Variants in PDE7B observed in about 807,000 individuals in gnomAD.
PDE7B encodes 3',5'-cyclic-AMP phosphodiesterase 7B.
Under a neutral mutation model 56.2 loss-of-function variants are expected in PDE7B, and 29 were observed. The observed-to-expected ratio is 0.52, with a 90% CI of 0.38 to 0.70. The LOEUF (loss-of-function observed/expected upper bound fraction) is 0.70. PDE7B is among the 30% of genes least tolerant of loss of function. PDE7B has a pLI of 0.00. For missense variants in PDE7B, 490 were observed against 565.0 expected (o/e 0.87, Z 1.35); for synonymous variants, 197 against 196.9 (o/e 1.00, Z 0.00).
At chr6:135,988,262 T>G (rs1470815023) in intron 2 of PDE7B, among the ~76,000 whole-genome samples, 1 of 152,042 alleles carries the variant, frequency 6.6e-6, no homozygotes, top group African/African-American at 2.4e-5. Flanking sequence ...GTCTCTGTGG[T>G]CCCAGCGTGT....
intron 8 of PDE7B, among the ~76,000 whole-genome samples, chr6:136,156,616 C>T (rs1680207076): frequency 2.0e-5 from 3 of 152,150 alleles, no homozygotes; most frequent in Non-Finnish European, 2.9e-5. Flanking sequence ...GTCTTAGGAT[C>T]TCTTGGAGGC....
At chr6:136,007,670 A>T (rs1039711718) in intron 2 of PDE7B, among the ~76,000 whole-genome samples, 3 of 151,908 alleles carry the variant, frequency 2.0e-5, no homozygotes, top group African/African-American at 7.2e-5. Flanking sequence ...AAAAAAAAGA[A>T]AATCAATTTC....
At chr6:135,970,083 G>A (rs138405882) in intron 2 of PDE7B, among the ~76,000 whole-genome samples, 4 of 152,160 alleles carry the variant, frequency 2.6e-5, no homozygotes, top group African/African-American at 7.2e-5. Flanking sequence ...TATCTAGTAC[G>A]TGCCAGCCAT....
intron 2 of PDE7B, among the ~76,000 whole-genome samples, chr6:135,969,030 G>C (rs1048080495): frequency 6.6e-6 from 1 of 152,124 alleles, no homozygotes; most frequent in Non-Finnish European, 1.5e-5. Flanking sequence ...GCAAACTAAT[G>C]CAGGAACAGA....
chr6:135,892,642 T>C (rs1356351444), intron 1 of PDE7B, among the ~76,000 whole-genome samples: 1 of 152,160 alleles, frequency 6.6e-6, no homozygotes. Flanking sequence ...TCAAATACCA[T>C]TTGCTGATAA....
Position 136,094,788 on chromosome 6 carries a change from T to C in PDE7B, c.83-13943T>C, listed in dbSNP as rs530500087. On this transcript the variant is annotated intron_variant, in intron 2 of 12. Coordinates refer to ENST00000308191, the MANE Select transcript of PDE7B (RefSeq NM_018945.4). ...AGAATCTAGAACAGAGCCTGGCACA[T>C]AGTAGGCAAACAAAAACATGTTTGT... The C allele has an allele frequency of 2.6e-5, 4 of 152,248 alleles. No individual in the cohort carries two copies. The East Asian group carries it at 5.8e-4, about 22-fold the overall frequency. 9.4% of individuals were successfully genotyped at this position (152,248 alleles called of 1,614,324 possible).
At chr6:135,934,119 A>C (rs1774346243) in intron 1 of PDE7B, among the ~76,000 whole-genome samples, 1 of 152,206 alleles carries the variant, frequency 6.6e-6, no homozygotes, top group African/African-American at 2.4e-5. Flanking sequence ...CATGTCAATG[A>C]TTATCTCTCC....
At chr6:135,863,419 G>A (rs1775188634) in intron 1 of PDE7B, among the ~76,000 whole-genome samples, 1 of 151,876 alleles carries the variant, frequency 6.6e-6, no homozygotes, top group Admixed American at 6.6e-5. Flanking sequence ...TCACAGTAGG[G>A]GCAATACTTA....
intron 2 of PDE7B, among the ~76,000 whole-genome samples, chr6:135,973,048 G>C (rs546370375): frequency 6.6e-6 from 1 of 152,044 alleles, no homozygotes; most frequent in African/African-American, 2.4e-5. Flanking sequence ...TTGACTACTG[G>C]TGCAATGTTT....
At chr6:136,031,281 G>T (rs1395850667) in intron 2 of PDE7B, among the ~76,000 whole-genome samples, 1 of 152,126 alleles carries the variant, frequency 6.6e-6, no homozygotes, top group Non-Finnish European at 1.5e-5. Flanking sequence ...CAGGAAACCT[G>T]TTAAAAATGC....
chr6:135,902,022 C>T (rs1224894668), intron 1 of PDE7B, among the ~76,000 whole-genome samples: 1 of 152,138 alleles, frequency 6.6e-6, no homozygotes, highest in East Asian at 1.9e-4. Flanking sequence ...TCAGCTGTAA[C>T]ACCCTACGAT....
At chr6:135,892,297 A>T (rs934051996) in intron 1 of PDE7B, among the ~76,000 whole-genome samples, 1 of 152,180 alleles carries the variant, frequency 6.6e-6, no homozygotes, top group African/African-American at 2.4e-5. Context: ...GTGAGAATCA[A>T]CTAATCCAGA....
At chr6:136,138,608 A>T (rs1438165865) in intron 3 of PDE7B, among the ~76,000 whole-genome samples, 1 of 152,160 alleles carries the variant, frequency 6.6e-6, no homozygotes, top group Non-Finnish European at 1.5e-5. Flanking sequence ...CAAATAAGAA[A>T]GTTAAGTGCT....
In PDE7B at chr6:136,051,435, T is replaced by A. The variant is rs182369039; in HGVS notation, c.83-57296T>A. Among the ~76,000 whole-genome samples, 23 of 152,360 alleles carry A rather than the reference T, an allele frequency of 1.5e-4. 1 individual carries two copies. The highest frequency in any genetic ancestry group is 3.4e-3 in the Middle Eastern group (1 of 294). The stretch of plus-strand genomic sequence containing the variant: ...ACCCACAGTGCATCTTCAACCCTTT[T>A]GAACTCTCGCATTGTTTAGCCCCTG... On this transcript the variant is annotated intron_variant, in intron 2 of 12. Coordinates refer to ENST00000308191, the MANE Select transcript of PDE7B (RefSeq NM_018945.4).
intron 2 of PDE7B, among the ~76,000 whole-genome samples, chr6:136,024,925 T>A (rs1776126076): frequency 6.6e-6 from 1 of 152,168 alleles, no homozygotes; most frequent in Admixed American, 6.5e-5. Flanking sequence ...ACAAGCTGAT[T>A]TCTATGACCA....
At chr6:136,112,823 G>A (rs1202494213) in intron 3 of PDE7B, among the ~76,000 whole-genome samples, 1 of 152,062 alleles carries the variant, frequency 6.6e-6, no homozygotes, top group African/African-American at 2.4e-5. Context: ...GCACATGTTT[G>A]GGGCAGAGGG....
At chr6:135,970,825 C>T (rs761845783) in intron 2 of PDE7B, among the ~76,000 whole-genome samples, 1 of 152,214 alleles carries the variant, frequency 6.6e-6, no homozygotes, top group Admixed American at 6.5e-5. Context: ...GGCAGCGAGA[C>T]GTTTGGATCC....
intron 5 of PDE7B, 57 bp downstream of exon 5, chr6:136,149,207 C>A: frequency 8.6e-7 from 1 of 1,160,744 alleles, no homozygotes; most frequent in South Asian, 1.2e-5. Context: ...GGATTAATTT[C>A]ATGAAAAACA....
At chr6:136,005,671 G>C (rs920421224) in intron 2 of PDE7B, among the ~76,000 whole-genome samples, 13 of 152,192 alleles carry the variant, frequency 8.5e-5, no homozygotes, top group South Asian at 4.1e-4. Flanking sequence ...TCTCACACCA[G>C]TTAGAATGGC....
Sources: allele counts gnomAD v4.1 joint callset (sites outside exome capture counted in the v4.1 genomes callset), GRCh38; gene constraint gnomAD v4.1.1; transcripts MANE v1.5; gene names NCBI Gene and HGNC (gene_info 2026-07-23, HGNC 2026-07-21).